INSR: variants seen among roughly 807,000 people sequenced by gnomAD.
INSR encodes the protein insulin receptor.
Under a neutral mutation model 142.6 loss-of-function variants are expected in INSR, and 67 were observed. The observed-to-expected ratio is 0.47, with a 90% CI of 0.39 to 0.58. The LOEUF (loss-of-function observed/expected upper bound fraction) is 0.58. INSR is among the 20% of genes least tolerant of loss of function. The probability of loss-of-function intolerance (pLI) is 0.00; values close to 1 mark genes in which losing one functional copy is unlikely to be tolerated. For synonymous variants in INSR, 756 were observed against 743.1 expected, an observed-to-expected ratio of 1.02 and a Z score of -0.28; for missense variants, 1,248 against 1,833.2, an observed-to-expected ratio of 0.68 and a Z score of 5.83.
intron 13 of INSR, among the ~76,000 whole-genome samples, chr19:7,139,711 G>A (rs1458422483): frequency 2.0e-5 from 3 of 151,750 alleles, no homozygotes; most frequent in Non-Finnish European, 2.9e-5. Flanking sequence ...AGCAAACAGG[G>A]CCCCAAAATA....
intron 1 of INSR, among the ~76,000 whole-genome samples, chr19:7,269,510 G>A (rs1427065747): frequency 6.6e-6 from 1 of 151,900 alleles, no homozygotes; most frequent in Admixed American, 6.6e-5. Flanking sequence ...GCTGCCTGGG[G>A]TCTGAACCAA....
chr19:7,124,229 C>A (rs1433538416), intron 17 of INSR, among the ~76,000 whole-genome samples: 1 of 151,354 alleles, frequency 6.6e-6, no homozygotes, highest in African/African-American at 2.4e-5. Context: ...ATTAGCTGGG[C>A]GTGGTGGCAG....
intron 1 of INSR, among the ~76,000 whole-genome samples, chr19:7,293,428 C>CA (rs1968550041): frequency 6.6e-6 from 1 of 152,216 alleles, no homozygotes; most frequent in African/African-American, 2.4e-5. Context: ...CCAGTGACCC[C>CA]ACTTCCCGGC....
At chr19:7,118,475 G>A (rs1390098378) in intron 21 of INSR, among the ~76,000 whole-genome samples, 2 of 151,680 alleles carry the variant, frequency 1.3e-5, no homozygotes, top group Non-Finnish European at 1.5e-5. Context: ...CCACGACCGC[G>A]CCTGGGTAAT....
At chr19:7,153,190 A>ACACACCACACACAC (rs1568449527) in intron 9 of INSR, among the ~76,000 whole-genome samples, 383 of 35,518 alleles carry the variant, frequency 0.011, 46 homozygotes, top group Middle Eastern at 0.028. Context: ...ACACAACCAC[A>ACACACCACACACAC]CACACACCAC....
chr19:7,230,076 G>A (rs920032976), intron 2 of INSR, among the ~76,000 whole-genome samples: 2 of 152,084 alleles, frequency 1.3e-5, no homozygotes, highest in Admixed American at 1.3e-4. Flanking sequence ...ACAGACATGA[G>A]TCAGCGTACC....
chr19:7,242,734 C>CA (rs71177186), intron 2 of INSR, among the ~76,000 whole-genome samples: 41,024 of 92,018 alleles, frequency 0.45, 10,120 homozygotes, highest in East Asian at 0.71. Context: ...GAGACTGCCT[C>CA]AAAAAAAAAA....
chr19:7,157,023 C>T (rs576706281), intron 9 of INSR, among the ~76,000 whole-genome samples: 1 of 152,190 alleles, frequency 6.6e-6, no homozygotes, highest in East Asian at 1.9e-4. Flanking sequence ...TCTTGTTGCC[C>T]AGGCCGGACT....
chr19:7,240,907 A>G (rs1002189740), intron 2 of INSR, among the ~76,000 whole-genome samples: 2 of 152,218 alleles, frequency 1.3e-5, no homozygotes, highest in African/African-American at 4.8e-5. Flanking sequence ...ATCTCATTAC[A>G]TATACGCACA....
intron 2 of INSR, among the ~76,000 whole-genome samples, chr19:7,212,340 C>G (rs1450640212): frequency 6.6e-6 from 1 of 152,180 alleles, no homozygotes; most frequent in Non-Finnish European, 1.5e-5. Context: ...ATTCCCCTGG[C>G]TTCCCCACAG....
At chr19:7,215,377 T>C (rs900256300) in intron 2 of INSR, among the ~76,000 whole-genome samples, 15 of 151,692 alleles carry the variant, frequency 9.9e-5, no homozygotes, top group African/African-American at 2.9e-4. Context: ...CACAATGATC[T>C]CCCAGACTCT....
At chr19:7,155,196 G>A (rs561009581) in intron 9 of INSR, among the ~76,000 whole-genome samples, 1 of 152,008 alleles carries the variant, frequency 6.6e-6, no homozygotes, top group South Asian at 2.1e-4. Flanking sequence ...AGACATAGCA[G>A]AAACCCAGCA....
intron 2 of INSR, among the ~76,000 whole-genome samples, chr19:7,187,619 C>A (rs139830738): frequency 6.6e-6 from 1 of 152,166 alleles, no homozygotes; most frequent in Admixed American, 6.5e-5. Context: ...CACTTAGGTT[C>A]TGGGGTACAG....
chr19:7,269,374 AAAAC>A (rs1967844704), intron 1 of INSR, among the ~76,000 whole-genome samples: 1 of 102,508 alleles, frequency 9.8e-6, no homozygotes. Context: ...CTAAGTCGAG[AAAAC>A]ACACACACAC....
intron 2 of INSR, among the ~76,000 whole-genome samples, chr19:7,244,472 G>T (rs1184171084): frequency 6.6e-6 from 1 of 151,702 alleles, no homozygotes; most frequent in East Asian, 1.9e-4. Flanking sequence ...GGCAGAGGTT[G>T]CAGTGAGCCG....
intron 2 of INSR, among the ~76,000 whole-genome samples, chr19:7,251,804 T>C (rs1251398386): frequency 2.0e-5 from 3 of 152,010 alleles, no homozygotes; most frequent in Non-Finnish European, 2.9e-5. Context: ...AGTGAACCAT[T>C]AGGCTATTCA....
chr19:7,269,346 T>C (rs1371868598), intron 1 of INSR, among the ~76,000 whole-genome samples: 3 of 145,426 alleles, frequency 2.1e-5, no homozygotes, highest in Non-Finnish European at 3.0e-5. Context: ...TCACATTCCA[T>C]GCAGCAAATG....
intron 11 of INSR, among the ~76,000 whole-genome samples, chr19:7,149,333 AAAATAAAT>A (rs201772158): frequency 1.3e-5 from 2 of 152,148 alleles, no homozygotes; most frequent in Admixed American, 6.6e-5. Context: ...TGCCTGGGAA[AAAATAAAT>A]AAATAAACAC....
chr19:7,249,971 A>G lies in INSR; in HGVS notation c.652+17374T>C, dbSNP rs1049600478. On this transcript the variant is annotated intron_variant, in intron 2 of 21. Transcript: ENST00000302850. ...CGCACCACTGCACTCCAACCTGGGC[A>G]ACAGAGCCAGACTCTGTCTCAAAAA... Among the ~76,000 whole-genome samples, 10 of 151,694 alleles carry G rather than the reference A, an allele frequency of 6.6e-5. No homozygotes were observed. In the Admixed American group the frequency reaches 6.6e-4, roughly 10 times the overall value.
Sources: allele counts gnomAD v4.1 joint callset (sites outside exome capture counted in the v4.1 genomes callset), GRCh38; gene constraint gnomAD v4.1.1; transcripts MANE v1.5; gene names NCBI Gene and HGNC (gene_info 2026-07-23, HGNC 2026-07-21).